Variants in DCK observed in about 807,000 individuals in gnomAD.
The protein encoded by DCK is deoxyadenosine kinase.
Under a neutral mutation model 38.3 loss-of-function variants are expected in DCK, and 23 were observed. The ratio of observed to expected loss-of-function variants is 0.60; its 90% confidence interval spans 0.43 to 0.85. The LOEUF (loss-of-function observed/expected upper bound fraction) is 0.85, where lower values mean the gene tolerates loss of function less well. Ranked by LOEUF, DCK falls within the 40% of genes least tolerant of loss-of-function variation. The probability of loss-of-function intolerance (pLI) is 0.00; values close to 1 mark genes in which losing one functional copy is unlikely to be tolerated. For synonymous variants in DCK, 108 were observed against 100.6 expected (o/e 1.07, Z -0.44); for missense variants, 259 against 304.4 (o/e 0.85, Z 1.11).
At position 71,029,633 on chromosome 4, in the gene DCK, T is replaced by TCC; in HGVS notation, c.*256_*257dup. The TCC allele has an allele frequency of 2.4e-6, 1 of 409,860 alleles. No individual in the cohort carries two copies. The highest frequency in any genetic ancestry group is 4.4e-6 in the Non-Finnish European group (1 of 229,862). The allele number at this position is 409,860 out of a possible 1,614,324, so 25.4% of individuals were successfully genotyped here. A position where few individuals can be genotyped will look rare whatever the true frequency, so the allele number is the denominator to read the frequency against. ...AGCAGGAAATGTAGAGGTAGATGGT[T>TCC]CCAGTATCAGCATAGTGACTAAACT... On this transcript the variant is annotated 3_prime_UTR_variant, in exon 7 of 7. Transcript: ENST00000286648.
At chr4:71,014,997 A>G (rs1413355551) in intron 2 of DCK, among the ~76,000 whole-genome samples, 1 of 152,164 alleles carries the variant, frequency 6.6e-6, no homozygotes, top group African/African-American at 2.4e-5. Flanking sequence ...TTTTTTGAAA[A>G]GATCAACAAA....
chr4:70,995,679 T>C (rs1739645792), intron 1 of DCK, among the ~76,000 whole-genome samples: 1 of 152,214 alleles, frequency 6.6e-6, no homozygotes, highest in African/African-American at 2.4e-5. Context: ...TTAGGTAGCA[T>C]CATATTTAGA....
In DCK at chr4:70,993,679, T is replaced by G; in HGVS notation, c.-157T>G. ...CCTCAGCTGCCTCCGCGCGCCAAAG[T>G]CAAACCCCGACACCCGCCGGCGGGC... On this transcript the variant is annotated 5_prime_UTR_variant, in exon 1 of 7. Transcript: ENST00000286648. 1.7e-6 allele frequency: 1 copy of G among 571,428 alleles called. No homozygotes were observed. 35.4% of individuals were successfully genotyped at this position (571,428 alleles called of 1,614,324 possible). A position where few individuals can be genotyped will look rare whatever the true frequency, so the allele number is the denominator to read the frequency against.
intron 6 of DCK, among the ~76,000 whole-genome samples, chr4:71,028,279 C>T (rs1198528869): frequency 6.6e-6 from 1 of 152,160 alleles, no homozygotes; most frequent in Non-Finnish European, 1.5e-5. Context: ...ATTGGTGTTA[C>T]AGCTATTTTA....
Position 71,010,232 on chromosome 4 carries a change from T to C in DCK, c.207+12050T>C, listed in dbSNP as rs72854198. The stretch of plus-strand genomic sequence containing the variant: ...TGTTGCTATACTATTGATAAGGTAC[T>C]CCTAATTTTGGCAAAATAGTAAGAG... On this transcript the variant is annotated intron_variant, in intron 2 of 6. Transcript: ENST00000286648. Among the ~76,000 whole-genome samples the C allele has an allele frequency of 9.8e-3, 1,479 of 151,006 alleles. 37 individuals are homozygous for C. Among genetic ancestry groups the C allele is most frequent in the African/African-American group, 0.034 (1,415 of 41,036 alleles).
At chr4:71,000,980 C>T (rs1053925087) in intron 2 of DCK, among the ~76,000 whole-genome samples, 4 of 152,082 alleles carry the variant, frequency 2.6e-5, no homozygotes, top group Non-Finnish European at 4.4e-5. Flanking sequence ...TTTGACTTCC[C>T]CTCTTCCTAT....
chr4:71,004,018 C>G (rs977573397), intron 2 of DCK, among the ~76,000 whole-genome samples: 4 of 152,166 alleles, frequency 2.6e-5, no homozygotes, highest in African/African-American at 9.7e-5. Context: ...AGTTGTGGTC[C>G]TTTGGAGGAG....
chr4:70,995,552 C>T (rs1209416065), intron 1 of DCK, among the ~76,000 whole-genome samples: 1 of 151,674 alleles, frequency 6.6e-6, no homozygotes, highest in Non-Finnish European at 1.5e-5. Flanking sequence ...GCACTCTAGC[C>T]TGGGTGACAG....
intron 2 of DCK, among the ~76,000 whole-genome samples, chr4:71,015,809 A>G (rs958332932): frequency 1.3e-5 from 2 of 152,214 alleles, no homozygotes; most frequent in South Asian, 2.1e-4. Flanking sequence ...ATTTATGACA[A>G]ACCCACAGCC....
At chr4:70,994,342 T>C (rs1472224156) in intron 1 of DCK, among the ~76,000 whole-genome samples, 1 of 152,236 alleles carries the variant, frequency 6.6e-6, no homozygotes, top group East Asian at 1.9e-4. Flanking sequence ...CAGAACATTT[T>C]CATCACCTTA....
intron 4 of DCK, among the ~76,000 whole-genome samples, chr4:71,025,486 A>G (rs1171993624): frequency 6.6e-6 from 1 of 152,134 alleles, no homozygotes; most frequent in Non-Finnish European, 1.5e-5. Context: ...GATTATGTTT[A>G]TAGATTGGCA....
intron 2 of DCK, among the ~76,000 whole-genome samples, chr4:70,999,813 G>A (rs1476711651): frequency 6.6e-6 from 1 of 152,068 alleles, no homozygotes; most frequent in East Asian, 1.9e-4. Context: ...CTGCATAAAT[G>A]TCTTCTTTTG....
intron 4 of DCK, 49 bp downstream of exon 4, chr4:71,023,755 A>G: frequency 1.3e-6 from 2 of 1,574,166 alleles, no homozygotes; most frequent in Admixed American, 1.8e-5. Context: ...AGAAATATTT[A>G]GAACTCTTTT....
At position 70,993,808 on chromosome 4, in the gene DCK, G is replaced by A; in HGVS notation, c.-28G>A. 1 of 1,563,908 alleles carries A rather than the reference G, an allele frequency of 6.4e-7. No individual in the cohort carries two copies. The highest frequency in any genetic ancestry group is 8.8e-7 in the Non-Finnish European group (1 of 1,138,068). On this transcript the variant is annotated 5_prime_UTR_variant, in exon 1 of 7. Transcript: ENST00000286648. Reference sequence around the variant, plus strand: ...CGCCTCCCAGCCCTCTTTGCCGGACGAGCTCTGGGCCGCCACAAGACTAAG... The same window carrying A: ...CGCCTCCCAGCCCTCTTTGCCGGACAAGCTCTGGGCCGCCACAAGACTAAG...
At chr4:71,010,240 T>C (rs1362000275) in intron 2 of DCK, among the ~76,000 whole-genome samples, 2 of 151,908 alleles carry the variant, frequency 1.3e-5, no homozygotes, top group Non-Finnish European at 2.9e-5. Flanking sequence ...ACTCCTAATT[T>C]TGGCAAAATA....
intron 2 of DCK, chr4:71,006,387 G>A (rs560384261): frequency 2.9e-5 from 14 of 489,812 alleles, no homozygotes; most frequent in Non-Finnish European, 3.4e-5. Flanking sequence ...TGAGAGAGAC[G>A]TTGCTAAGAT....
At chr4:71,017,581 A>G (rs1224958232) in intron 2 of DCK, among the ~76,000 whole-genome samples, 1 of 152,074 alleles carries the variant, frequency 6.6e-6, no homozygotes, top group East Asian at 1.9e-4. Flanking sequence ...CATATACACC[A>G]TGGAATACTA....
At chr4:71,006,881 C>T (rs535422791) in intron 2 of DCK, among the ~76,000 whole-genome samples, 1 of 152,032 alleles carries the variant, frequency 6.6e-6, no homozygotes, top group East Asian at 1.9e-4. Context: ...TTACTTTGAT[C>T]TGAGGAGTAC....
chr4:71,018,157 C>T (rs893075905), intron 2 of DCK, among the ~76,000 whole-genome samples: 1 of 124,552 alleles, frequency 8.0e-6, no homozygotes, highest in Non-Finnish European at 1.6e-5. Flanking sequence ...GACGGAGTCT[C>T]GCTCTGTCTC....
Sources: allele counts gnomAD v4.1 joint callset (sites outside exome capture counted in the v4.1 genomes callset), GRCh38; gene constraint gnomAD v4.1.1; transcripts MANE v1.5; gene names NCBI Gene and HGNC (gene_info 2026-07-23, HGNC 2026-07-21).